The following PCDH7 variants were observed in gnomAD, a reference collection of about 807,000 sequenced individuals.
The protein encoded by PCDH7 is protocadherin 7, also known as protocadherin-7.
Under a neutral mutation model 58.9 loss-of-function variants are expected in PCDH7, and 17 were observed. The ratio of observed to expected loss-of-function variants is 0.29; its 90% CI spans 0.20 to 0.43. The LOEUF (loss-of-function observed/expected upper bound fraction) is 0.43. PCDH7 is among the 20% of genes least tolerant of loss of function. PCDH7 has a pLI of 1.00. For missense variants in PCDH7, 1,274 were observed against 1,441.0 expected (o/e 0.88, Z 1.88); for synonymous variants, 664 against 616.4 (o/e 1.08, Z -1.14).
At chr4:30,934,711 T>C (rs1745116466) in intron 2 of PCDH7, among the ~76,000 whole-genome samples, 1 of 152,200 alleles carries the variant, frequency 6.6e-6, no homozygotes, top group African/African-American at 2.4e-5. Flanking sequence ...ATCAAGTTTC[T>C]CTTTTCCTTT....
intron 3 of PCDH7, among the ~76,000 whole-genome samples, chr4:31,019,219 TTATGA>T (rs1258479591): frequency 1.3e-5 from 2 of 152,242 alleles, no homozygotes; most frequent in Non-Finnish European, 2.9e-5. Context: ...GTTACACAAA[TTATGA>T]TATATTTATA....
chr4:30,780,881 T>C (rs1421478921), intron 1 of PCDH7, among the ~76,000 whole-genome samples: 1 of 152,198 alleles, frequency 6.6e-6, no homozygotes, highest in Non-Finnish European at 1.5e-5. Context: ...ATCTCTGGTT[T>C]AGGCAGGGAA....
chr4:30,790,397 C>T (rs1419151958), intron 1 of PCDH7, among the ~76,000 whole-genome samples: 1 of 152,132 alleles, frequency 6.6e-6, no homozygotes, highest in African/African-American at 2.4e-5. Context: ...GACTTTGAGT[C>T]CAGAGGTCAC....
intron 1 of PCDH7, among the ~76,000 whole-genome samples, chr4:30,898,315 G>C (rs1049090298): frequency 6.6e-6 from 1 of 152,072 alleles, no homozygotes; most frequent in African/African-American, 2.4e-5. Flanking sequence ...CACCCTTTCA[G>C]AGCCTTAGTT....
chr4:30,869,687 T>C lies in PCDH7; in HGVS notation c.71-50466T>C, dbSNP rs538209879. The stretch of plus-strand genomic sequence containing the variant: ...GTTTCTTTATCCAGTCTATCATTGA[T>C]GGGCATTTGGGTTGGTTTCAAGTCT... On this transcript the variant is annotated intron_variant, in intron 1 of 3. Coordinates refer to the PCDH7 transcript ENST00000509759. Among the ~76,000 whole-genome samples the C allele has an allele frequency of 6.6e-5, 10 of 152,328 alleles. No homozygotes were observed. In the South Asian group the frequency reaches 2.1e-3, roughly 32 times the overall value.
chr4:31,047,446 GCTCA>G (rs1043259588), intron 3 of PCDH7, among the ~76,000 whole-genome samples: 2 of 151,982 alleles, frequency 1.3e-5, no homozygotes, highest in Non-Finnish European at 2.9e-5. Context: ...TTGGACAAAT[GCTCA>G]CTGTCATAGG....
intron 3 of PCDH7, among the ~76,000 whole-genome samples, chr4:30,951,175 T>C (rs140469946): frequency 5.3e-5 from 8 of 152,308 alleles, no homozygotes; most frequent in South Asian, 4.1e-4. Flanking sequence ...AGCAGCATTA[T>C]TTGTAGTATT....
At chr4:30,855,563 C>G (rs77056773) in intron 1 of PCDH7, among the ~76,000 whole-genome samples, 1,850 of 152,234 alleles carry the variant, frequency 0.012, 30 homozygotes, top group Admixed American at 0.039. Context: ...TTCTCTGTAA[C>G]CTGCTGCTAC....
intron 3 of PCDH7, among the ~76,000 whole-genome samples, chr4:31,027,537 C>G (rs1423263932): frequency 2.0e-5 from 3 of 152,108 alleles, no homozygotes; most frequent in African/African-American, 7.2e-5. Flanking sequence ...ATTCTCCTGC[C>G]TCAACCTCCT....
At chr4:30,815,134 A>G (rs1012678878) in intron 1 of PCDH7, among the ~76,000 whole-genome samples, 1 of 152,152 alleles carries the variant, frequency 6.6e-6, no homozygotes, top group South Asian at 2.1e-4. Context: ...GTATATGTGC[A>G]TGCATATATA....
At chr4:31,068,663 T>C (rs1758291381) in intron 3 of PCDH7, among the ~76,000 whole-genome samples, 1 of 151,952 alleles carries the variant, frequency 6.6e-6, no homozygotes, top group Non-Finnish European at 1.5e-5. Flanking sequence ...CCCTCATAAC[T>C]GTCGAGGGAT....
intron 3 of PCDH7, among the ~76,000 whole-genome samples, chr4:30,985,983 G>T (rs1250393999): frequency 2.0e-5 from 3 of 152,138 alleles, no homozygotes; most frequent in African/African-American, 7.2e-5. Flanking sequence ...ACAATGGTGT[G>T]TTACACCCCA....
chr4:30,864,320 T>A (rs1379121442), intron 1 of PCDH7, among the ~76,000 whole-genome samples: 1 of 152,000 alleles, frequency 6.6e-6, no homozygotes, highest in Non-Finnish European at 1.5e-5. Flanking sequence ...ATATTAATTG[T>A]ATTCCTTCCT....
At chr4:30,931,961 T>A (rs1027312766) in intron 2 of PCDH7, among the ~76,000 whole-genome samples, 2 of 152,126 alleles carry the variant, frequency 1.3e-5, no homozygotes, top group Admixed American at 1.3e-4. Context: ...ATGACTTTTA[T>A]ATTTTATTTT....
chr4:30,843,701 T>A (rs920231864), intron 1 of PCDH7, among the ~76,000 whole-genome samples: 5 of 152,038 alleles, frequency 3.3e-5, no homozygotes, highest in South Asian at 2.1e-4. Context: ...CTACCTAGAT[T>A]TTTTTTTGTG....
chr4:31,026,249 ATCTT>A (rs763261263), intron 3 of PCDH7, among the ~76,000 whole-genome samples: 2 of 152,188 alleles, frequency 1.3e-5, no homozygotes, highest in African/African-American at 2.4e-5. Context: ...TATTTGAATT[ATCTT>A]TCTAAGTACA....
intron 3 of PCDH7, among the ~76,000 whole-genome samples, chr4:31,019,309 A>G (rs1468542713): frequency 1.3e-5 from 2 of 152,212 alleles, no homozygotes; most frequent in East Asian, 3.8e-4. Flanking sequence ...AAAATTAAAA[A>G]GCATGATCAT....
At chr4:30,810,932 T>C (rs1452870991) in intron 1 of PCDH7, among the ~76,000 whole-genome samples, 1 of 152,164 alleles carries the variant, frequency 6.6e-6, no homozygotes, top group Non-Finnish European at 1.5e-5. Context: ...TCTAATTCCT[T>C]TTCTGTACCA....
intron 1 of PCDH7, among the ~76,000 whole-genome samples, chr4:30,726,799 T>G (rs948212348): frequency 1.3e-5 from 2 of 151,962 alleles, no homozygotes; most frequent in Non-Finnish European, 2.9e-5. Flanking sequence ...TTAATGTAAT[T>G]AGTAATAGTA....
Sources: allele counts gnomAD v4.1 joint callset (sites outside exome capture counted in the v4.1 genomes callset), GRCh38; gene constraint gnomAD v4.1.1; transcripts MANE v1.5; gene names NCBI Gene and HGNC (gene_info 2026-07-23, HGNC 2026-07-21).